SLC25A21: variants seen among roughly 807,000 people sequenced by gnomAD.
SLC25A21 encodes mitochondrial 2-oxodicarboxylate carrier.
A neutral mutation model predicts 43.8 loss-of-function variants in SLC25A21; 47 were observed. The observed-to-expected ratio is 1.07, with a 90% CI of 0.85 to 1.37. SLC25A21 has a LOEUF of 1.37. Among genes scored for constraint, SLC25A21 ranks in the 40% most tolerant of loss-of-function variants. The pLI is 0.00. For missense variants in SLC25A21, 352 were observed against 350.2 expected, an observed-to-expected ratio of 1.00 and a Z score of -0.04; for synonymous variants, 131 against 121.3, an observed-to-expected ratio of 1.08 and a Z score of -0.52.
chr14:37,075,461 A>T, intron 1 of SLC25A21, among the ~76,000 whole-genome samples: 1 of 152,350 alleles, frequency 6.6e-6, no homozygotes. Context: ...TTGGTACAGT[A>T]TTAAAAATAG....
chr14:36,691,876 G>C (rs915705529), intron 7 of SLC25A21, among the ~76,000 whole-genome samples: 8 of 152,122 alleles, frequency 5.3e-5, no homozygotes, highest in African/African-American at 1.9e-4. Context: ...CTAAACTGGA[G>C]CTGAGTAGTC....
Position 37,098,822 on chromosome 14 carries a change from A to G in SLC25A21, c.70+73459T>C, listed in dbSNP as rs1356893085. Among the ~76,000 whole-genome samples the G allele has an allele frequency of 4.0e-5, 5 of 124,784 alleles. No individual in the cohort carries two copies. In the South Asian group the frequency reaches 1.1e-3, roughly 27 times the overall value. The allele number at this position is 124,784 out of a possible 152,430, so 81.9% of individuals were successfully genotyped here. A position where few individuals can be genotyped will look rare whatever the true frequency, so the allele number is the denominator to read the frequency against. On this transcript the variant is annotated intron_variant, in intron 1 of 9. Coordinates refer to ENST00000331299, the MANE Select transcript of SLC25A21 (RefSeq NM_030631.4). ...ATAGATAGATTTTTTTTTTTTTTTG[A>G]GACAAAGTCTCATTCTGTCACTCAG... is the stretch of plus-strand genomic sequence containing the variant.
At chr14:36,979,504 C>T (rs923661489) in intron 1 of SLC25A21, among the ~76,000 whole-genome samples, 27 of 151,996 alleles carry the variant, frequency 1.8e-4, no homozygotes, top group African/African-American at 4.6e-4. Context: ...TACCGGTGTG[C>T]GCTGCCACAC....
intron 1 of SLC25A21, among the ~76,000 whole-genome samples, chr14:36,925,157 A>G (rs1892096385): frequency 6.6e-6 from 1 of 152,040 alleles, no homozygotes; most frequent in African/African-American, 2.4e-5. Flanking sequence ...GAATGCAAGG[A>G]TAGGGGGAAT....
chr14:37,114,557 A>G (rs1364658810), intron 1 of SLC25A21, among the ~76,000 whole-genome samples: 1 of 152,188 alleles, frequency 6.6e-6, no homozygotes, highest in Admixed American at 6.5e-5. Context: ...AAAACACGCT[A>G]TTTTTAAGAG....
chr14:37,070,475 G>T (rs778978828), intron 1 of SLC25A21, among the ~76,000 whole-genome samples: 30 of 152,110 alleles, frequency 2.0e-4, no homozygotes, highest in Non-Finnish European at 5.9e-5. Flanking sequence ...TAGTTTGTAT[G>T]ATATTATAAA....
chr14:36,893,483 T>C (rs1431678417), intron 1 of SLC25A21, among the ~76,000 whole-genome samples: 1 of 152,174 alleles, frequency 6.6e-6, no homozygotes. Flanking sequence ...TTTTCTCCCA[T>C]TCTGTAGGTT....
intron 1 of SLC25A21, among the ~76,000 whole-genome samples, chr14:36,910,549 G>A (rs2138610983): frequency 6.6e-6 from 1 of 152,230 alleles, no homozygotes; most frequent in Non-Finnish European, 1.5e-5. Flanking sequence ...TGGTGCTGGG[G>A]ACAGAGAGAA....
At chr14:37,092,339 A>T (rs74045487) in intron 1 of SLC25A21, among the ~76,000 whole-genome samples, 1,971 of 152,242 alleles carry the variant, frequency 0.013, 40 homozygotes, top group African/African-American at 0.046. Flanking sequence ...ATTACAGCCA[A>T]TCCTACACAG....
rs150412006 is a variant in SLC25A21, at chr14:37,124,761, C to G, written c.70+47520G>C. 2.8e-3 allele frequency among the ~76,000 whole-genome samples: 421 copies of G among 152,222 alleles called. 4 individuals carry two copies. Among genetic ancestry groups the G allele is most frequent in the African/African-American group, 9.5e-3 (396 of 41,532 alleles). ...GTGGGAGGTGACTGGATCTTAAAGG[C>G]AGATTTCCCACTTGGTGCTGTTCTC... On this transcript the variant is annotated intron_variant, in intron 1 of 9. Transcript: ENST00000331299.
At chr14:37,005,594 T>C (rs1471886067) in intron 1 of SLC25A21, among the ~76,000 whole-genome samples, 1 of 152,226 alleles carries the variant, frequency 6.6e-6, no homozygotes, top group African/African-American at 2.4e-5. Flanking sequence ...AGTTGTGAAA[T>C]ACTGCACTTA....
At chr14:36,838,402 G>C (rs1473824794) in intron 2 of SLC25A21, among the ~76,000 whole-genome samples, 3 of 152,180 alleles carry the variant, frequency 2.0e-5, no homozygotes, top group Non-Finnish European at 4.4e-5. Context: ...GAAGCACACT[G>C]GGACACACTG....
chr14:36,761,893 T>C (rs776730130), intron 3 of SLC25A21, among the ~76,000 whole-genome samples: 10 of 152,222 alleles, frequency 6.6e-5, no homozygotes, highest in Non-Finnish European at 1.3e-4. Context: ...AATTTTAGTT[T>C]TTGTTCTTTT....
At chr14:36,873,450 C>T (rs904171683) in intron 2 of SLC25A21, among the ~76,000 whole-genome samples, 2 of 152,050 alleles carry the variant, frequency 1.3e-5, no homozygotes, top group African/African-American at 4.8e-5. Context: ...GGTGTGCCAC[C>T]ATGCCCGGTT....
intron 2 of SLC25A21, among the ~76,000 whole-genome samples, chr14:36,838,183 G>A (rs919715540): frequency 7.9e-5 from 12 of 152,174 alleles, no homozygotes; most frequent in African/African-American, 2.9e-4. Flanking sequence ...CGGCTGCCAG[G>A]GCCTCACTCG....
At chr14:37,084,386 T>C (rs1160783228) in intron 1 of SLC25A21, among the ~76,000 whole-genome samples, 1 of 152,244 alleles carries the variant, frequency 6.6e-6, no homozygotes, top group Non-Finnish European at 1.5e-5. Flanking sequence ...GCCCTGCTTA[T>C]AGGCAATTTT....
chr14:37,127,873 A>G (rs1304380115), intron 1 of SLC25A21, among the ~76,000 whole-genome samples: 1 of 152,226 alleles, frequency 6.6e-6, no homozygotes, highest in African/African-American at 2.4e-5. Context: ...CTCAGAGGCT[A>G]TATCAAATTG....
In SLC25A21 at chr14:37,005,431, T is replaced by A. The variant is rs181008620; in HGVS notation, c.71-130427A>T. On this transcript the variant is annotated intron_variant, in intron 1 of 9. Transcript: ENST00000331299. ...TCCCTCAGAGCTACGTCAGTATTTG[T>A]CCATTACACTTTATTAAATTGCTAT... is the stretch of plus-strand genomic sequence containing the variant. 1.4e-4 allele frequency among the ~76,000 whole-genome samples: 21 copies of A among 152,280 alleles called. No individual in the cohort carries two copies. In the East Asian group the frequency reaches 3.7e-3, roughly 27 times the overall value.
At chr14:36,992,176 C>T (rs965446998) in intron 1 of SLC25A21, among the ~76,000 whole-genome samples, 5 of 152,116 alleles carry the variant, frequency 3.3e-5, no homozygotes, top group South Asian at 4.1e-4. Flanking sequence ...TGGGTGGACC[C>T]GTGCACCCTC....
Sources: gnomAD v4.1 joint callset for allele counts (sites outside exome capture counted in the v4.1 genomes callset) on GRCh38, gnomAD v4.1.1 for gene constraint, MANE v1.5 for transcripts, NCBI Gene and HGNC (gene_info 2026-07-23, HGNC 2026-07-21) for gene names.